The following MYH15 variants were observed in gnomAD, a reference collection of about 807,000 sequenced individuals.
MYH15 encodes myosin-15.
Under a neutral mutation model 240.5 loss-of-function variants are expected in MYH15, and 227 were observed. The ratio of observed to expected loss-of-function variants is 0.94; its 90% confidence interval spans 0.85 to 1.05. The LOEUF (loss-of-function observed/expected upper bound fraction) is 1.05. Ranked by LOEUF, MYH15 falls within the 50% of genes least tolerant of loss-of-function variation. MYH15 has a pLI of 0.00. For missense variants in MYH15, 2,217 were observed against 2,247.5 expected (o/e 0.99, Z 0.27); for synonymous variants, 785 against 796.7 (o/e 0.99, Z 0.25).
At chr3:108,544,982 T>C in the MYH15 span, among the ~76,000 whole-genome samples, 2 of 152,152 alleles carry the variant, frequency 1.3e-5, no homozygotes, top group Non-Finnish European at 2.9e-5. Context: ...TGGCAAACTT[T>C]TCTTAACTAC....
intron 6 of MYH15, 82 bp downstream of exon 6, chr3:108,497,970 C>A: frequency 8.1e-7 from 1 of 1,231,128 alleles, no homozygotes; most frequent in African/African-American, 1.5e-5. Flanking sequence ...GCCTCACTTC[C>A]CAAAAGTGGT....
chr3:108,536,267 A>AAAAACAAAACAAAAC, the MYH15 span, among the ~76,000 whole-genome samples: 1 of 152,078 alleles, frequency 6.6e-6, no homozygotes, highest in African/African-American at 2.4e-5. Flanking sequence ...TTTACCTCAA[A>AAAAACAAAACAAAAC]AAAACAAAAC....
intron 14 of MYH15, among the ~76,000 whole-genome samples, chr3:108,469,704 A>C (rs2083154524): frequency 6.6e-6 from 1 of 152,226 alleles, no homozygotes; most frequent in South Asian, 2.1e-4. Flanking sequence ...GTTAGGCCCT[A>C]CAGTGCTCAT....
chr3:108,383,042 T>C (rs892674655), intron 40 of MYH15, among the ~76,000 whole-genome samples: 2 of 152,114 alleles, frequency 1.3e-5, no homozygotes, highest in Non-Finnish European at 2.9e-5. Flanking sequence ...GAAGAGCCAT[T>C]TTGTGGACCA....
At chr3:108,519,243 T>C (rs1443833297) in intron 1 of MYH15, among the ~76,000 whole-genome samples, 1 of 152,164 alleles carries the variant, frequency 6.6e-6, no homozygotes. Flanking sequence ...AAAAGAAGTA[T>C]GCTAAGGATA....
intron 2 of MYH15, among the ~76,000 whole-genome samples, chr3:108,503,629 G>A (rs955832920): frequency 3.3e-5 from 5 of 152,110 alleles, no homozygotes; most frequent in African/African-American, 1.2e-4. Context: ...CCAATAGAAT[G>A]GCTGTAATCA....
At chr3:108,447,854 A>T (rs2082941183) in intron 21 of MYH15, among the ~76,000 whole-genome samples, 1 of 148,796 alleles carries the variant, frequency 6.7e-6, no homozygotes, top group African/African-American at 2.5e-5. Context: ...ATCACCTTTA[A>T]CTCTAAAATT....
upstream of MYH15, among the ~76,000 whole-genome samples, chr3:108,513,198 G>C (rs1471131293): frequency 3.9e-5 from 6 of 152,180 alleles, no homozygotes; most frequent in East Asian, 9.6e-4. Context: ...GAATGACAGA[G>C]AAACACAGAT....
chr3:108,464,752 A>G lies in MYH15; in HGVS notation c.1617T>C (p.Thr539=). 5.6e-6 allele frequency: 9 copies of G among 1,613,958 alleles called. No homozygotes were observed. Among genetic ancestry groups the G allele is most frequent in the Non-Finnish European group, 7.6e-6 (9 of 1,179,874 alleles). The change falls in exon 15 of 41, where the codon ACT becomes ACC. Residue 539 remains threonine (T), a synonymous_variant. Coordinates refer to ENST00000693548, the MANE Select transcript of MYH15 (RefSeq NM_014981.3). ...ECMFPKATDL[T]FKTKLFDNHF... is the part of the protein sequence containing the mutation. ...GGTTGTCAAAGAGTTTGGTCTTGAA[A>G]GTCAGGTCTGTAGCCTTAGGAAACA...
chr3:108,501,524 A>G (rs2083437765), intron 3 of MYH15, among the ~76,000 whole-genome samples, 188 bp downstream of exon 3: 1 of 152,188 alleles, frequency 6.6e-6, no homozygotes, highest in African/African-American at 2.4e-5. Context: ...ACCTGTGGGA[A>G]GGCATATGAA....
upstream of MYH15, among the ~76,000 whole-genome samples, chr3:108,512,178 A>T (rs963810830): frequency 3.3e-5 from 5 of 152,224 alleles, no homozygotes; most frequent in Non-Finnish European, 7.3e-5. Context: ...GCGGGTGAGC[A>T]TTCAGATTCA....
At chr3:108,510,614 A>G (rs757826712), upstream of MYH15, 2 of 1,593,786 alleles carry the variant, frequency 1.3e-6, no homozygotes, top group South Asian at 2.3e-5. Context: ...GATACAGAGA[A>G]GAAAAAAGTG....
At chr3:108,457,611 C>T (rs1317969221) in intron 18 of MYH15, among the ~76,000 whole-genome samples, 1 of 150,176 alleles carries the variant, frequency 6.7e-6, no homozygotes, top group Non-Finnish European at 1.5e-5. Flanking sequence ...CAAATTCCTA[C>T]TATGGTATTA....
At chr3:108,512,211 C>T (rs1472205879), upstream of MYH15, among the ~76,000 whole-genome samples, 1 of 152,088 alleles carries the variant, frequency 6.6e-6, no homozygotes, top group Non-Finnish European at 1.5e-5. Context: ...ATTATAACAG[C>T]AATAACATTG....
intron 31 of MYH15, among the ~76,000 whole-genome samples, chr3:108,409,553 C>T (rs140878109): frequency 4.3e-4 from 66 of 152,322 alleles, no homozygotes; most frequent in African/African-American, 1.5e-3. Flanking sequence ...GCACCCGTCA[C>T]GTCTCCATCT....
intron 14 of MYH15, among the ~76,000 whole-genome samples, chr3:108,467,276 G>T (rs1016370328): frequency 1.3e-5 from 2 of 151,232 alleles, no homozygotes; most frequent in African/African-American, 4.9e-5. Context: ...ATACTCATGT[G>T]CATACAAGAT....
chr3:108,436,286 C>T (rs1007007753), intron 25 of MYH15, among the ~76,000 whole-genome samples: 3 of 152,174 alleles, frequency 2.0e-5, no homozygotes, highest in Admixed American at 2.0e-4. Flanking sequence ...AACACAACTT[C>T]AAAATTGAAT....
At chr3:108,393,909 C>T in intron 36 of MYH15, 122 bp downstream of exon 36, 1 of 1,433,902 alleles carries the variant, frequency 7.0e-7, no homozygotes, top group South Asian at 1.3e-5. Context: ...TCAGACTAAC[C>T]TCCCCCTGGC....
intron 27 of MYH15, 112 bp from the exon 28 acceptor site, chr3:108,421,326 G>A: frequency 8.0e-7 from 1 of 1,250,296 alleles, no homozygotes; most frequent in Non-Finnish European, 1.1e-6. Context: ...CTCTTCTGTA[G>A]TAAAGAGCTC....
Sources: allele counts gnomAD v4.1 joint callset (sites outside exome capture counted in the v4.1 genomes callset), GRCh38; gene constraint gnomAD v4.1.1; transcripts MANE v1.5; gene names NCBI Gene and HGNC (gene_info 2026-07-23, HGNC 2026-07-21).